The following DIAPH3 variants were observed in gnomAD, a reference collection of about 807,000 sequenced individuals.
DIAPH3 encodes protein diaphanous homolog 3.
A neutral mutation model predicts 144.3 loss-of-function variants in DIAPH3; 117 were observed. The ratio of observed to expected loss-of-function variants is 0.81; its 90% CI spans 0.70 to 0.95. The LOEUF (loss-of-function observed/expected upper bound fraction) is 0.95, where lower values mean the gene tolerates loss of function less well. Among genes scored for constraint, DIAPH3 ranks in the 40% least tolerant of loss-of-function variants. The pLI, the probability that DIAPH3 is intolerant of heterozygous loss-of-function variation, is 0.00. For missense variants in DIAPH3, 1,421 were observed against 1,412.7 expected (o/e 1.01, Z -0.09); for synonymous variants, 519 against 488.9 (o/e 1.06, Z -0.81).
At chr13:59,743,712 T>G (rs1396933393) in intron 27 of DIAPH3, among the ~76,000 whole-genome samples, 1 of 152,194 alleles carries the variant, frequency 6.6e-6, no homozygotes, top group Non-Finnish European at 1.5e-5. Context: ...CAGAGTTATA[T>G]GGGATGCTTG....
intron 25 of DIAPH3, among the ~76,000 whole-genome samples, chr13:59,794,423 C>G (rs1173013343): frequency 6.6e-6 from 1 of 151,938 alleles, no homozygotes; most frequent in Non-Finnish European, 1.5e-5. Flanking sequence ...TTCTGTATCC[C>G]TAAGCACTGA....
intron 17 of DIAPH3, among the ~76,000 whole-genome samples, chr13:59,949,311 G>A (rs1691599375): frequency 6.6e-6 from 1 of 152,120 alleles, no homozygotes; most frequent in South Asian, 2.1e-4. Context: ...AAAAGACAAT[G>A]GCCTCCCATG....
intron 25 of DIAPH3, among the ~76,000 whole-genome samples, chr13:59,799,276 C>T (rs370981496): frequency 6.6e-6 from 1 of 151,826 alleles, no homozygotes; most frequent in Non-Finnish European, 1.5e-5. Context: ...GTGGCCGAAG[C>T]TGGCTTCCTT....
In DIAPH3 at chr13:59,704,854, G is replaced by A. The variant is rs76522033; in HGVS notation, c.3320-38008C>T. Reference sequence around the variant, plus strand: ...CATATTTCATCGTTAAGTGCCGTCTGACTATATTTTATTTATTTAGTTTAT... The same window carrying A: ...CATATTTCATCGTTAAGTGCCGTCTAACTATATTTTATTTATTTAGTTTAT... On this transcript the variant is annotated intron_variant, in intron 27 of 27. Coordinates refer to ENST00000400324, the MANE Select transcript of DIAPH3 (RefSeq NM_001042517.2). Among the ~76,000 whole-genome samples the A allele has an allele frequency of 2.8e-3, 419 of 152,234 alleles. 3 individuals are homozygous for A. Among genetic ancestry groups the A allele is most frequent in the African/African-American group, 9.6e-3 (399 of 41,564 alleles).
intron 25 of DIAPH3, among the ~76,000 whole-genome samples, chr13:59,779,605 G>A (rs925972404): frequency 2.0e-5 from 3 of 151,196 alleles, no homozygotes; most frequent in Non-Finnish European, 2.9e-5. Flanking sequence ...TCTGCCTCCC[G>A]GGTCCAAGCG....
At chr13:59,847,112 G>C (rs1328630728) in intron 22 of DIAPH3, among the ~76,000 whole-genome samples, 1 of 152,134 alleles carries the variant, frequency 6.6e-6, no homozygotes, top group Admixed American at 6.6e-5. Context: ...AATGCTAAGT[G>C]AACAGCCAGT....
intron 2 of DIAPH3, among the ~76,000 whole-genome samples, chr13:60,121,704 A>T (rs1256009554): frequency 6.6e-6 from 1 of 152,188 alleles, no homozygotes; most frequent in African/African-American, 2.4e-5. Flanking sequence ...GGAAGCCTGG[A>T]GGACTTGATA....
intron 1 of DIAPH3, among the ~76,000 whole-genome samples, chr13:60,146,126 A>G (rs1951508773): frequency 6.6e-6 from 1 of 152,228 alleles, no homozygotes; most frequent in African/African-American, 2.4e-5. Flanking sequence ...GAGCATCTGA[A>G]AAATGAAGAG....
At chr13:59,826,820 G>C (rs1047859884) in intron 24 of DIAPH3, among the ~76,000 whole-genome samples, 1 of 151,992 alleles carries the variant, frequency 6.6e-6, no homozygotes, top group Non-Finnish European at 1.5e-5. Context: ...CATGGTACTG[G>C]TACCAAAACA....
intron 25 of DIAPH3, among the ~76,000 whole-genome samples, chr13:59,805,729 C>T (rs1445481862): frequency 1.3e-5 from 2 of 151,854 alleles, no homozygotes; most frequent in Non-Finnish European, 2.9e-5. Context: ...CATGTTTTAA[C>T]ACTATAACAT....
intron 25 of DIAPH3, among the ~76,000 whole-genome samples, chr13:59,805,693 A>C (rs1048820200): frequency 6.6e-6 from 1 of 152,048 alleles, no homozygotes; most frequent in Non-Finnish European, 1.5e-5. Flanking sequence ...TTTAAAAAAA[A>C]ATGAGAAAAC....
At position 60,133,889 on chromosome 13, in the gene DIAPH3, C is replaced by G. The variant is rs529939795; in HGVS notation, c.181-900G>C. Among the ~76,000 whole-genome samples, 12 of 152,198 alleles carry G rather than the reference C, an allele frequency of 7.9e-5. No homozygotes were observed. The East Asian group carries it at 2.1e-3, about 27-fold the overall frequency. The stretch of plus-strand genomic sequence containing the variant: ...TTCTAAATAGGAAACAAGGTCTACT[C>G]TTTTATAAGGACAGATGTTAATAAC... On this transcript the variant is annotated intron_variant, in intron 1 of 27. Transcript: ENST00000400324.
chr13:60,158,492 A>T, intron 1 of DIAPH3, among the ~76,000 whole-genome samples: 1 of 152,190 alleles, frequency 6.6e-6, no homozygotes, highest in South Asian at 2.1e-4. Context: ...TCCACCTCAG[A>T]CATAGATTCA....
chr13:60,133,961 T>G (rs979846536), intron 1 of DIAPH3, among the ~76,000 whole-genome samples: 1 of 152,330 alleles, frequency 6.6e-6, no homozygotes, highest in African/African-American at 2.4e-5. Flanking sequence ...CAACATTTAC[T>G]TAATAGAATG....
intron 3 of DIAPH3, among the ~76,000 whole-genome samples, chr13:60,094,393 T>C (rs147758065): frequency 1.7e-3 from 263 of 152,304 alleles, no homozygotes; most frequent in African/African-American, 5.9e-3. Flanking sequence ...TGCTACAAGC[T>C]TAATTTTGAC....
At chr13:59,909,944 A>T (rs2140228263) in intron 20 of DIAPH3, among the ~76,000 whole-genome samples, 1 of 152,344 alleles carries the variant, frequency 6.6e-6, no homozygotes, top group South Asian at 2.1e-4. Flanking sequence ...ACAAGGCATA[A>T]CTTGGCTATT....
intron 24 of DIAPH3, among the ~76,000 whole-genome samples, chr13:59,823,609 A>G (rs2041199004): frequency 6.6e-6 from 1 of 152,184 alleles, no homozygotes; most frequent in South Asian, 2.1e-4. Context: ...GGACTTGTAC[A>G]TGATTTTCCT....
At chr13:59,784,381 T>A (rs1300497522) in intron 25 of DIAPH3, among the ~76,000 whole-genome samples, 1 of 68,922 alleles carries the variant, frequency 1.5e-5, no homozygotes, top group African/African-American at 4.7e-5. Context: ...ATGCCCAGCC[T>A]ATATTATTAT....
At chr13:60,099,987 A>C (rs2058225710) in intron 3 of DIAPH3, among the ~76,000 whole-genome samples, 1 of 151,578 alleles carries the variant, frequency 6.6e-6, no homozygotes, top group Non-Finnish European at 1.5e-5. Context: ...TCAAAAGGAC[A>C]TGAGCCAAAC....
Sources: gnomAD v4.1 joint callset for allele counts (sites outside exome capture counted in the v4.1 genomes callset) on GRCh38, gnomAD v4.1.1 for gene constraint, MANE v1.5 for transcripts, NCBI Gene and HGNC (gene_info 2026-07-23, HGNC 2026-07-21) for gene names.